LRRC1: variants seen among roughly 807,000 people sequenced by gnomAD.
LRRC1 encodes leucine rich repeat containing 1, also known as leucine-rich repeat-containing protein 1.
Under a neutral mutation model 69.9 loss-of-function variants are expected in LRRC1, and 28 were observed. That is an observed-to-expected ratio of 0.40 (90% CI 0.30 to 0.55). The LOEUF (loss-of-function observed/expected upper bound fraction) is 0.55, where lower values mean the gene tolerates loss of function less well. Among genes scored for constraint, LRRC1 ranks in the 20% least tolerant of loss-of-function variants. The pLI, the probability that LRRC1 is intolerant of heterozygous loss-of-function variation, is 0.47. For synonymous variants in LRRC1, 236 were observed against 240.2 expected (o/e 0.98, Z 0.16); for missense variants, 498 against 609.0 (o/e 0.82, Z 1.92).
At chr6:53,848,398 A>G (rs1366073737) in intron 2 of LRRC1, among the ~76,000 whole-genome samples, 1 of 152,234 alleles carries the variant, frequency 6.6e-6, no homozygotes, top group Non-Finnish European at 1.5e-5. Context: ...ATGTTTTCTA[A>G]TCACCTTTCC....
intron 2 of LRRC1, among the ~76,000 whole-genome samples, chr6:53,853,933 G>A (rs1291892229): frequency 2.0e-5 from 3 of 152,116 alleles, no homozygotes; most frequent in Non-Finnish European, 4.4e-5. Context: ...CACTGTGATG[G>A]GGCATCTAAT....
chr6:53,884,821 AT>A (rs1399460669), intron 4 of LRRC1, among the ~76,000 whole-genome samples: 5 of 152,106 alleles, frequency 3.3e-5, no homozygotes, highest in African/African-American at 4.8e-5. Context: ...TTTAGAATAC[AT>A]TTTTTATAAT....
At chr6:53,890,228 G>T (rs563757874) in intron 4 of LRRC1, among the ~76,000 whole-genome samples, 49 of 152,272 alleles carry the variant, frequency 3.2e-4, no homozygotes, top group Admixed American at 1.6e-3. Flanking sequence ...TAACTGAGTT[G>T]TCTTCTCCAA....
chr6:53,808,369 A>G (rs528070241), intron 1 of LRRC1, among the ~76,000 whole-genome samples: 2 of 152,030 alleles, frequency 1.3e-5, no homozygotes, highest in African/African-American at 2.4e-5. Context: ...GCAGTATAGG[A>G]ACTGCAAAGT....
At chr6:53,809,356 A>T (rs1040253245) in intron 1 of LRRC1, among the ~76,000 whole-genome samples, 6 of 152,234 alleles carry the variant, frequency 3.9e-5, no homozygotes, top group African/African-American at 1.4e-4. Flanking sequence ...TATTACACTT[A>T]TTCTCATACC....
At chr6:53,805,107 CT>C (rs1337419953) in intron 1 of LRRC1, among the ~76,000 whole-genome samples, 2 of 152,008 alleles carry the variant, frequency 1.3e-5, no homozygotes, top group Non-Finnish European at 2.9e-5. Flanking sequence ...CTCGGGTAGG[CT>C]TTAGTCAGTT....
chr6:53,818,889 T>C (rs1581851294), intron 1 of LRRC1, among the ~76,000 whole-genome samples: 1 of 152,296 alleles, frequency 6.6e-6, no homozygotes, highest in Non-Finnish European at 1.5e-5. Context: ...AGGCAGAGCA[T>C]AGGAACTCAT....
chr6:53,873,289 CTTT>C (rs57201410), intron 2 of LRRC1, among the ~76,000 whole-genome samples: 3 of 136,802 alleles, frequency 2.2e-5, no homozygotes, highest in African/African-American at 5.5e-5. Flanking sequence ...ACCGATTTTT[CTTT>C]TTTTTTTTTT....
chr6:53,904,101 TGAACAGCATCTTTTTCCCTTTACAA>T (rs1317379606), intron 9 of LRRC1, among the ~76,000 whole-genome samples: 2 of 152,274 alleles, frequency 1.3e-5, no homozygotes, highest in Non-Finnish European at 2.9e-5. Context: ...TTCCTTGAGT[TGAACAGCATCTTTTTCCCTTTACAA>T]GATGATTCCC....
intron 3 of LRRC1, 64 bp from the exon 4 acceptor site, chr6:53,882,823 C>T (rs780467313): frequency 1.3e-5 from 12 of 908,876 alleles, no homozygotes; most frequent in Non-Finnish European, 1.9e-5. Flanking sequence ...TATATTTATG[C>T]TTGGTATACA....
At chr6:53,851,993 G>A (rs911641903) in intron 2 of LRRC1, among the ~76,000 whole-genome samples, 1 of 152,168 alleles carries the variant, frequency 6.6e-6, no homozygotes, top group African/African-American at 2.4e-5. Flanking sequence ...AGAAACTAGA[G>A]GTTTATGTTT....
chr6:53,851,173 G>GACACACACACACACACACACACAC (rs3222575), intron 2 of LRRC1, among the ~76,000 whole-genome samples: 3 of 144,700 alleles, frequency 2.1e-5, no homozygotes, highest in East Asian at 2.0e-4. Context: ...GAACTAATAG[G>GACACACACACACACACACACACAC]ACACACACAC....
chr6:53,857,847 A>G (rs948777648), intron 2 of LRRC1, among the ~76,000 whole-genome samples: 1 of 152,244 alleles, frequency 6.6e-6, no homozygotes, highest in African/African-American at 2.4e-5. Context: ...TTGAGGAAAC[A>G]GCAGCGATCA....
intron 1 of LRRC1, among the ~76,000 whole-genome samples, chr6:53,837,151 G>A (rs1765635117): frequency 6.6e-6 from 1 of 151,254 alleles, no homozygotes; most frequent in Admixed American, 6.6e-5. Context: ...ATAGTTTTGG[G>A]GTATTATAAA....
rs376241239 is a variant in LRRC1 at position 53,887,998 on chromosome 6, A to C, written c.446+5022A>C. 1.2e-3 allele frequency among the ~76,000 whole-genome samples: 187 copies of C among 152,304 alleles called. 7 individuals carry two copies. In the South Asian group the frequency reaches 0.038, roughly 31 times the overall value. On this transcript the variant is annotated intron_variant, in intron 4 of 13. Transcript: ENST00000370888. ...AACAATGGCTTTTTACTTTACTATC[A>C]CTAAAAACACTTAGAAGATTCCACT...
chr6:53,850,988 G>A (rs956485955), intron 2 of LRRC1, among the ~76,000 whole-genome samples: 1 of 152,054 alleles, frequency 6.6e-6, no homozygotes, highest in African/African-American at 2.4e-5. Context: ...TTATGCCCCT[G>A]ACTTAATTGA....
chr6:53,818,683 G>A (rs889579019), intron 1 of LRRC1, among the ~76,000 whole-genome samples: 13 of 152,254 alleles, frequency 8.5e-5, no homozygotes, highest in Admixed American at 6.5e-4. Flanking sequence ...CAGGGGAAAG[G>A]AGTTAAGTAA....
At chr6:53,840,434 A>G (rs779004859) in intron 1 of LRRC1, among the ~76,000 whole-genome samples, 12 of 152,220 alleles carry the variant, frequency 7.9e-5, no homozygotes, top group Non-Finnish European at 1.6e-4. Context: ...CTGGAGTTCT[A>G]ACATCTTATG....
intron 1 of LRRC1, among the ~76,000 whole-genome samples, chr6:53,841,705 C>CT (rs889657348): frequency 6.6e-6 from 1 of 151,868 alleles, no homozygotes; most frequent in African/African-American, 2.4e-5. Context: ...TAAAAAATGT[C>CT]TTTTTAAAAT....
Sources: allele counts gnomAD v4.1 joint callset (sites outside exome capture counted in the v4.1 genomes callset), GRCh38; gene constraint gnomAD v4.1.1; transcripts MANE v1.5; gene names NCBI Gene and HGNC (gene_info 2026-07-23, HGNC 2026-07-21).